The following TMEM132B variants were observed in gnomAD, a reference collection of about 807,000 sequenced individuals.
The protein encoded by TMEM132B is transmembrane protein 132B.
A neutral mutation model predicts 90.8 loss-of-function variants in TMEM132B; 18 were observed. That is an observed-to-expected ratio of 0.20 (90% CI 0.14 to 0.29). The LOEUF is 0.29. Among genes scored for constraint, TMEM132B ranks in the 10% least tolerant of loss-of-function variants. The probability of loss-of-function intolerance (pLI) is 1.00; values close to 1 mark genes in which losing one functional copy is unlikely to be tolerated. For synonymous variants in TMEM132B, 504 were observed against 523.3 expected, an observed-to-expected ratio of 0.96 and a Z score of 0.50; for missense variants, 1,096 against 1,326.8, an observed-to-expected ratio of 0.83 and a Z score of 2.70.
chr12:125,430,485 A>C (rs1880468256), intron 3 of TMEM132B, among the ~76,000 whole-genome samples: 1 of 152,158 alleles, frequency 6.6e-6, no homozygotes, highest in South Asian at 2.1e-4. Context: ...GAAGCCAGCC[A>C]CTCAGTGACT....
rs768226420 is a variant in TMEM132B at position 125,349,619 on chromosome 12, T to G, written c.235T>G (p.Phe79Val). 1.9e-6 allele frequency: 3 copies of G among 1,614,034 alleles called. No homozygotes were observed. In the African/African-American group the frequency reaches 4.0e-5, roughly 22 times the overall value. The change falls in exon 2 of 9, where the codon TTC (phenylalanine) becomes GTC (valine). Residue 79 changes from phenylalanine (F) to valine (V), a missense_variant. Phe to Val is a conservative substitution (Grantham distance 50). Transcript: ENST00000682704. The surrounding 1 kb of genome is among the most constrained non-coding windows in gnomAD (Gnocchi z 4.1). ...SSLQARVEPF[F>V]IYRARTPPII... The stretch of plus-strand genomic sequence containing the variant: ...TCTGCAGGCCCGGGTGGAGCCATTC[T>G]TCATCTACCGAGCCAGGACACCCCC...
intron 3 of TMEM132B, among the ~76,000 whole-genome samples, chr12:125,501,956 G>A (rs34860193): frequency 0.1 from 15,220 of 152,244 alleles, 1,248 homozygotes; most frequent in Admixed American, 0.27. Context: ...GGGTACTGTC[G>A]TAGTTCATTT....
intron 1 of TMEM132B, among the ~76,000 whole-genome samples, chr12:125,291,899 A>G (rs1198204059): frequency 6.6e-6 from 1 of 152,214 alleles, no homozygotes; most frequent in Non-Finnish European, 1.5e-5. Flanking sequence ...TCATCTTCCC[A>G]AATTGAAACT....
At chr12:125,269,769 C>T (rs748747165) in intron 1 of TMEM132B, among the ~76,000 whole-genome samples, 1 of 152,092 alleles carries the variant, frequency 6.6e-6, no homozygotes, top group Non-Finnish European at 1.5e-5. Flanking sequence ...ATTTCCCTCT[C>T]ATATACAAGC....
chr12:125,200,851 T>C (rs1873039608), intron 1 of TMEM132B, among the ~76,000 whole-genome samples: 1 of 152,226 alleles, frequency 6.6e-6, no homozygotes, highest in African/African-American at 2.4e-5. Flanking sequence ...CCCAAGTTTC[T>C]GTGCCTGGTG....
At chr12:125,512,363 G>A (rs1003596768) in intron 3 of TMEM132B, among the ~76,000 whole-genome samples, 6 of 152,310 alleles carry the variant, frequency 3.9e-5, no homozygotes, top group African/African-American at 1.4e-4. Context: ...ATCGCCAGCT[G>A]ATTCGAATTT....
chr12:125,568,898 CTT>C (rs1884723706), intron 4 of TMEM132B, among the ~76,000 whole-genome samples: 1 of 152,184 alleles, frequency 6.6e-6, no homozygotes, highest in Admixed American at 6.5e-5. Flanking sequence ...AACAATCACA[CTT>C]TATCTCTGAC....
At chr12:125,188,466 G>T (rs1957772826) in intron 1 of TMEM132B, among the ~76,000 whole-genome samples, 2 of 152,174 alleles carry the variant, frequency 1.3e-5, no homozygotes, top group African/African-American at 2.4e-5. Flanking sequence ...GCTTATAAGT[G>T]AATATCGGAA....
In TMEM132B at chr12:125,583,369, C is replaced by T. The variant is rs116067637; in HGVS notation, c.1294-482C>T. On this transcript the variant is annotated intron_variant, in intron 4 of 8. Coordinates refer to ENST00000682704, the MANE Select transcript of TMEM132B (RefSeq NM_001366854.1). Reference sequence around the variant, plus strand: ...CAGTCAGCTTGGGTGTGTAGAGGTTCGTAATGTTCAACTTGTGCTCTTCTG... The same window carrying T: ...CAGTCAGCTTGGGTGTGTAGAGGTTTGTAATGTTCAACTTGTGCTCTTCTG... Among the ~76,000 whole-genome samples the T allele has an allele frequency of 2.1e-3, 318 of 152,108 alleles. 2 individuals are homozygous for T. Among genetic ancestry groups the T allele is most frequent in the African/African-American group, 7.4e-3 (308 of 41,486 alleles).
At chr12:125,517,326 G>GGTTTTTTTTTTTTTTT in intron 3 of TMEM132B, among the ~76,000 whole-genome samples, 1 of 88,032 alleles carries the variant, frequency 1.1e-5, no homozygotes, top group Non-Finnish European at 2.4e-5. Context: ...ATGCCCTGCT[G>GGTTTTTTTTTTTTTTT]ATTTTTTTTT....
At chr12:125,280,649 C>T (rs1313942237) in intron 1 of TMEM132B, among the ~76,000 whole-genome samples, 1 of 152,218 alleles carries the variant, frequency 6.6e-6, no homozygotes, top group Admixed American at 6.5e-5. Context: ...CTCCCCTACG[C>T]CGGGACAGCT....
chr12:125,189,743 A>G (rs562728747), intron 1 of TMEM132B, among the ~76,000 whole-genome samples: 201 of 152,140 alleles, frequency 1.3e-3, no homozygotes, highest in Non-Finnish European at 2.5e-3. Flanking sequence ...AGAGCCAACA[A>G]TGAGCACGGT....
intron 3 of TMEM132B, among the ~76,000 whole-genome samples, chr12:125,499,351 A>G (rs571071923): frequency 2.0e-5 from 3 of 152,366 alleles, no homozygotes; most frequent in Non-Finnish European, 4.4e-5. Flanking sequence ...GACTATTGCT[A>G]TGGAATAAAA....
intron 5 of TMEM132B, among the ~76,000 whole-genome samples, chr12:125,641,033 C>G (rs1218246555): frequency 1.3e-5 from 2 of 152,044 alleles, no homozygotes; most frequent in African/African-American, 4.8e-5. Context: ...TCTGAGGCTG[C>G]CTCACTAACA....
chr12:125,521,182 C>A (rs555249597), intron 4 of TMEM132B, among the ~76,000 whole-genome samples: 2 of 152,186 alleles, frequency 1.3e-5, no homozygotes, highest in Non-Finnish European at 2.9e-5. Context: ...TTGGAAGCTA[C>A]CACTGCTGCC....
chr12:125,596,932 T>A (rs1159710663), intron 5 of TMEM132B, among the ~76,000 whole-genome samples: 4 of 152,220 alleles, frequency 2.6e-5, no homozygotes, highest in Admixed American at 6.5e-5. Flanking sequence ...AGGCCACATG[T>A]AGGGACAGTG....
chr12:125,591,165 G>T (rs1885309958), intron 5 of TMEM132B, among the ~76,000 whole-genome samples: 1 of 152,170 alleles, frequency 6.6e-6, no homozygotes, highest in East Asian at 1.9e-4. Flanking sequence ...ATTTGCAAAA[G>T]ATGTATTTTC....
intron 2 of TMEM132B, among the ~76,000 whole-genome samples, chr12:125,386,945 C>T (rs952355194): frequency 2.0e-5 from 3 of 152,110 alleles, no homozygotes; most frequent in African/African-American, 7.2e-5. Context: ...ACTTTGTATT[C>T]CTCTGGGTGT....
chr12:125,325,711 G>A (rs1306166819), intron 1 of TMEM132B, among the ~76,000 whole-genome samples: 1 of 120,170 alleles, frequency 8.3e-6, no homozygotes, highest in African/African-American at 3.6e-5. Flanking sequence ...GTGTGTGTGT[G>A]TGTGTGTGTC....
Sources: gnomAD v4.1 joint callset for allele counts (sites outside exome capture counted in the v4.1 genomes callset) on GRCh38, gnomAD v4.1.1 for gene constraint, Gnocchi (gnomAD v3.1) non-coding constraint, MANE v1.5 for transcripts, NCBI Gene and HGNC (gene_info 2026-07-23, HGNC 2026-07-21) for gene names.